PHLPP2: variants seen among roughly 807,000 people sequenced by gnomAD.
PHLPP2 encodes PH domain leucine-rich repeat-containing protein phosphatase 2.
Under a neutral mutation model 124.9 loss-of-function variants are expected in PHLPP2, and 66 were observed. That is an observed-to-expected ratio of 0.53 (90% CI 0.43 to 0.65). PHLPP2 has a LOEUF of 0.65. Among genes scored for constraint, PHLPP2 ranks in the 30% least tolerant of loss-of-function variants. The pLI is 0.00. For synonymous variants in PHLPP2, 681 were observed against 624.7 expected (o/e 1.09, Z -1.34); for missense variants, 1,685 against 1,600.4 (o/e 1.05, Z -0.90).
In PHLPP2 at chr16:71,649,692, G is replaced by A; in HGVS notation, c.3170C>T (p.Ser1057Leu). ...LTLPGPVGFA[S>L]TTTIKDAPKP... Reference sequence around the variant, plus strand: ...AGGGGCATCCTTGATAGTGGTGGTTGAAGCAAATCCCACAGGACCTGGGAG... The same window carrying A: ...AGGGGCATCCTTGATAGTGGTGGTTAAAGCAAATCCCACAGGACCTGGGAG... The change falls in exon 19 of 19, where the codon TCA becomes TTA. Residue 1057 changes from serine (S) to leucine (L), a missense_variant. Physicochemically the swap from Ser to Leu is moderately radical, Grantham distance 145. Transcript: ENST00000568954. 2 of 1,614,162 alleles carry A rather than the reference G, an allele frequency of 1.2e-6. No homozygotes were observed. The highest frequency in any genetic ancestry group is 2.2e-5 in the South Asian group (2 of 91,082).
intron 1 of PHLPP2, among the ~76,000 whole-genome samples, chr16:71,715,962 C>T (rs577043073): frequency 6.6e-6 from 1 of 150,864 alleles, no homozygotes; most frequent in South Asian, 2.1e-4. Flanking sequence ...TGCCACCGCA[C>T]TCCAGTCTGG....
chr16:71,660,092 A>ACATCT (rs1392076424), intron 13 of PHLPP2, among the ~76,000 whole-genome samples: 1 of 152,032 alleles, frequency 6.6e-6, no homozygotes, highest in Non-Finnish European at 1.5e-5. Flanking sequence ...ATAGAGACAA[A>ACATCT]CAGGAAAAAA....
intron 13 of PHLPP2, among the ~76,000 whole-genome samples, chr16:71,663,568 AG>A (rs1168071813): frequency 6.6e-6 from 1 of 152,276 alleles, no homozygotes; most frequent in Non-Finnish European, 1.5e-5. Flanking sequence ...AATAGATAAC[AG>A]TATTTTACAA....
intron 11 of PHLPP2, among the ~76,000 whole-genome samples, chr16:71,667,882 C>T (rs867502151): frequency 6.6e-6 from 1 of 152,052 alleles, no homozygotes; most frequent in Admixed American, 6.5e-5. Flanking sequence ...GTATGTTAAA[C>T]GCCTCTAGTT....
intron 4 of PHLPP2, among the ~76,000 whole-genome samples, chr16:71,688,931 G>C (rs546888404): frequency 6.6e-6 from 1 of 152,176 alleles, no homozygotes; most frequent in African/African-American, 2.4e-5. Flanking sequence ...CACCTCTTTA[G>C]GACCAAACCT....
chr16:71,689,689 C>T (rs547982047), intron 4 of PHLPP2, among the ~76,000 whole-genome samples: 1 of 152,138 alleles, frequency 6.6e-6, no homozygotes, highest in Admixed American at 6.5e-5. Context: ...CGAGCCACCG[C>T]ACCCGGCCAA....
rs1176023019 is a variant in PHLPP2, at chr16:71,679,547, A to T, written c.891-12T>A. The T allele has an allele frequency of 1.9e-6, 3 of 1,612,672 alleles. No individual in the cohort carries two copies. Among genetic ancestry groups the T allele is most frequent in the Non-Finnish European group, 2.5e-6 (3 of 1,178,966 alleles). On this transcript the variant is annotated splice_polypyrimidine_tract_variant and intron_variant, in intron 6 of 18. Coordinates refer to ENST00000568954, the MANE Select transcript of PHLPP2 (RefSeq NM_015020.3). ...TCAGTTGAGAAAATCTAAAGAGCAA[A>T]GGCAAAAATGGGTATTGCATTTCAA...
At chr16:71,673,273 T>C (rs750742143) in intron 9 of PHLPP2, among the ~76,000 whole-genome samples, 29 of 152,190 alleles carry the variant, frequency 1.9e-4, no homozygotes, top group Non-Finnish European at 4.3e-4. Flanking sequence ...CCTTAGCAGA[T>C]ACTACTGAAC....
intron 4 of PHLPP2, among the ~76,000 whole-genome samples, chr16:71,686,170 T>G (rs1038667913): frequency 1.3e-5 from 2 of 152,114 alleles, no homozygotes; most frequent in African/African-American, 2.4e-5. Flanking sequence ...AAAATAAAAT[T>G]CACTGGTTTT....
chr16:71,653,278 T>C (rs2044711338), intron 17 of PHLPP2, among the ~76,000 whole-genome samples: 1 of 152,076 alleles, frequency 6.6e-6, no homozygotes, highest in Non-Finnish European at 1.5e-5. Flanking sequence ...ATAGCTTTTG[T>C]GTCTGATCAA....
chr16:71,709,003 A>T (rs1171185197), intron 2 of PHLPP2, among the ~76,000 whole-genome samples: 2 of 152,186 alleles, frequency 1.3e-5, no homozygotes, highest in African/African-American at 4.8e-5. Flanking sequence ...ATTTTAAAAA[A>T]TTCTGCCAAT....
At position 71,648,967 on chromosome 16, in the gene PHLPP2, G is replaced by T. The variant is rs1170531943; in HGVS notation, c.3895C>A (p.Gln1299Lys). ...EEVKEQMKQH[Q>K]DSRLEPEPHE... ...GGCTCAGGCTCGAGCCGGCTGTCCT[G>T]GTGCTGTTTCATTTGTTCCTTCACT... The change falls in exon 19 of 19, where the codon CAG becomes AAG. Residue 1299 changes from glutamine (Q) to lysine (K), a missense_variant. Transcript: ENST00000568954. 6.2e-7 allele frequency: 1 copy of T among 1,613,928 alleles called. No individual in the cohort carries two copies. The highest frequency in any genetic ancestry group is 8.5e-7 in the Non-Finnish European group (1 of 1,179,998).
At chr16:71,714,160 G>A (rs971851367) in intron 2 of PHLPP2, among the ~76,000 whole-genome samples, 1 of 151,928 alleles carries the variant, frequency 6.6e-6, no homozygotes, top group Non-Finnish European at 1.5e-5. Context: ...GGCTGGTCTC[G>A]AACTCCTGAC....
At chr16:71,673,216 G>T (rs759046850) in intron 9 of PHLPP2, among the ~76,000 whole-genome samples, 2 of 152,122 alleles carry the variant, frequency 1.3e-5, no homozygotes, top group African/African-American at 4.8e-5. Context: ...TATATTGAAC[G>T]TAAGCCTAGA....
Position 71,690,700 on chromosome 16 carries a change from C to T in PHLPP2, c.428G>A (p.Cys143Tyr), listed in dbSNP as rs916349034. Residue 143 changes from cysteine (C) to tyrosine (Y), a missense_variant, in exon 4 of 19, where the codon TGC becomes TAC. Physicochemically the swap from Cys to Tyr is radical, Grantham distance 194. Coordinates refer to ENST00000568954, the MANE Select transcript of PHLPP2 (RefSeq NM_015020.3). ...CMIRFYGEKP[C>Y]HMDRLDRILL... Reference sequence around the variant, plus strand: ...GATTCGATCCAAACGATCCATGTGGCATGGTTTTTCTGAAAAGGAAATAAT... The same window carrying T: ...GATTCGATCCAAACGATCCATGTGGTATGGTTTTTCTGAAAAGGAAATAAT... 4 of 1,608,002 alleles carry T rather than the reference C, an allele frequency of 2.5e-6. No individual in the cohort carries two copies. Among genetic ancestry groups the T allele is most frequent in the Non-Finnish European group, 3.4e-6 (4 of 1,176,858 alleles).
rs142565478 is a variant in PHLPP2 at position 71,674,020 on chromosome 16, C to A, written c.1472-1698G>T. Among the ~76,000 whole-genome samples the A allele has an allele frequency of 2.4e-3, 368 of 152,008 alleles. 1 individual carries two copies. The highest frequency in any genetic ancestry group is 4.3e-3 in the Non-Finnish European group (294 of 67,988). ...AATAAAGAGCATAAAATAATGAACCCTCTTTCACCTATCATATAGCTTTTA... is the reference window on the plus strand; with the variant it reads ...AATAAAGAGCATAAAATAATGAACCATCTTTCACCTATCATATAGCTTTTA... On this transcript the variant is annotated intron_variant, in intron 9 of 18. Transcript: ENST00000568954.
intron 11 of PHLPP2, among the ~76,000 whole-genome samples, chr16:71,667,650 C>T (rs2044851021): frequency 6.6e-6 from 1 of 152,144 alleles, no homozygotes; most frequent in South Asian, 2.1e-4. Flanking sequence ...ACCAAAAATT[C>T]AGTATATTAA....
Position 71,676,657 on chromosome 16 carries a change from C to T in PHLPP2, c.1269-8G>A, listed in dbSNP as rs369813042. 96 of 1,587,956 alleles carry T rather than the reference C, an allele frequency of 6.0e-5. No homozygotes were observed. The highest frequency in any genetic ancestry group is 3.3e-4 in the Middle Eastern group (2 of 6,004). ...GTTTTCAAATGGTTCATCCTTAATA[C>T]GCAGAAACAAGAAAATAATCATAAA... On this transcript the variant is annotated splice_region_variant and splice_polypyrimidine_tract_variant and intron_variant, in intron 8 of 18. Coordinates refer to ENST00000568954, the MANE Select transcript of PHLPP2 (RefSeq NM_015020.3).
intron 1 of PHLPP2, chr16:71,723,778 C>T: frequency 1.6e-5 from 21 of 1,335,584 alleles, no homozygotes; most frequent in Non-Finnish European, 2.0e-5. Context: ...CCTTCAGGAC[C>T]CGGATCCCTC....
Sources: allele counts gnomAD v4.1 joint callset (sites outside exome capture counted in the v4.1 genomes callset), GRCh38; gene constraint gnomAD v4.1.1; transcripts MANE v1.5; gene names NCBI Gene and HGNC (gene_info 2026-07-23, HGNC 2026-07-21).